The following BCL2L1 variants were observed in gnomAD, a reference collection of about 807,000 sequenced individuals.
BCL2L1 encodes BCL2 like 1, also known as bcl-2-like protein 1.
In BCL2L1, 1 loss-of-function variant was observed where a neutral mutation model predicts 18.7. The ratio of observed to expected loss-of-function variants is 0.05; its 90% CI spans 0.02 to 0.25. The LOEUF is 0.25. Ranked by LOEUF, BCL2L1 falls within the 10% of genes least tolerant of loss-of-function variation. The probability of loss-of-function intolerance (pLI) is 1.00; values close to 1 mark genes in which losing one functional copy is unlikely to be tolerated. For synonymous variants in BCL2L1, 103 were observed against 122.7 expected, an observed-to-expected ratio of 0.84 and a Z score of 1.06; for missense variants, 207 against 304.9, an observed-to-expected ratio of 0.68 and a Z score of 2.39.
intron 2 of BCL2L1, among the ~76,000 whole-genome samples, chr20:31,673,704 A>C (rs780449549): frequency 6.6e-6 from 1 of 152,174 alleles, no homozygotes; most frequent in Admixed American, 6.5e-5. Flanking sequence ...ATGACAGCTG[A>C]CCATTACCAA....
At chr20:31,694,962 C>T (rs1159864364) in intron 2 of BCL2L1, among the ~76,000 whole-genome samples, 1 of 152,164 alleles carries the variant, frequency 6.6e-6, no homozygotes, top group Non-Finnish European at 1.5e-5. Flanking sequence ...GGCAGTTCAA[C>T]TCCACAGCCC....
chr20:31,698,835 T>C (rs1286762433), intron 2 of BCL2L1, among the ~76,000 whole-genome samples: 3 of 152,204 alleles, frequency 2.0e-5, no homozygotes, highest in Non-Finnish European at 2.9e-5. Context: ...CCACCACACC[T>C]GCCCTTTTTT....
intron 2 of BCL2L1, among the ~76,000 whole-genome samples, chr20:31,689,262 AAGGGGAGGGGGAGGGC>A (rs1568869273): frequency 3.3e-3 from 3 of 914 alleles, no homozygotes; most frequent in Admixed American, 0.029. Flanking sequence ...AAAGGGAGGG[AAGGGGAGGGGGAGGGC>A]AGGGGAGGGG....
At chr20:31,715,209 T>G (rs532308227) in intron 2 of BCL2L1, among the ~76,000 whole-genome samples, 4 of 151,598 alleles carry the variant, frequency 2.6e-5, no homozygotes, top group African/African-American at 9.7e-5. Context: ...GAGGTGCAGC[T>G]TGCAGTGAGC....
chr20:31,723,537 C>A, upstream of BCL2L1: 2 of 984,598 alleles, frequency 2.0e-6, no homozygotes, highest in East Asian at 1.1e-4. Context: ...GCCGGGTACC[C>A]GCCGAGCCAC....
At chr20:31,701,678 T>C (rs1199848302) in intron 2 of BCL2L1, among the ~76,000 whole-genome samples, 2 of 152,220 alleles carry the variant, frequency 1.3e-5, no homozygotes, top group African/African-American at 2.4e-5. Flanking sequence ...AAACAACTCA[T>C]TATAACAATT....
chr20:31,686,715 G>A (rs546202856), intron 2 of BCL2L1, among the ~76,000 whole-genome samples: 55 of 152,234 alleles, frequency 3.6e-4, no homozygotes, highest in African/African-American at 4.1e-4. Flanking sequence ...GCCATGGAGC[G>A]GAGGGAGTAA....
chr20:31,700,594 C>T (rs944240184), intron 2 of BCL2L1, among the ~76,000 whole-genome samples: 2 of 152,308 alleles, frequency 1.3e-5, no homozygotes, highest in East Asian at 1.9e-4. Flanking sequence ...TTGGTCTCAG[C>T]CTGCAAATCT....
chr20:31,704,892 A>G (rs1481267213), intron 2 of BCL2L1, among the ~76,000 whole-genome samples: 6 of 152,254 alleles, frequency 3.9e-5, no homozygotes, highest in Admixed American at 2.0e-4. Flanking sequence ...ATTCTCAGCC[A>G]TTAAGCAAAT....
At chr20:31,678,970 GT>G (rs1289128308) in intron 2 of BCL2L1, among the ~76,000 whole-genome samples, 1 of 152,168 alleles carries the variant, frequency 6.6e-6, no homozygotes, top group African/African-American at 2.4e-5. Context: ...CACCCACGGT[GT>G]TGCATTTCCT....
intron 2 of BCL2L1, among the ~76,000 whole-genome samples, chr20:31,702,022 T>C (rs901298477): frequency 9.9e-5 from 15 of 152,182 alleles, no homozygotes; most frequent in Admixed American, 8.5e-4. Context: ...AGGTAGAGGC[T>C]GTTGCTATGA....
chr20:31,710,311 C>A (rs1308848789), intron 2 of BCL2L1, among the ~76,000 whole-genome samples: 2 of 152,038 alleles, frequency 1.3e-5, no homozygotes, highest in Admixed American at 1.3e-4. Flanking sequence ...AGAGAGAGAG[C>A]CCTGATCAGA....
At chr20:31,678,811 T>C (rs911230939) in intron 2 of BCL2L1, among the ~76,000 whole-genome samples, 1 of 152,202 alleles carries the variant, frequency 6.6e-6, no homozygotes, top group African/African-American at 2.4e-5. Flanking sequence ...CAGCCACCTT[T>C]ATCTGATCAG....
chr20:31,715,496 C>T (rs6060870), intron 2 of BCL2L1, among the ~76,000 whole-genome samples: 44,214 of 151,902 alleles, frequency 0.29, 8,072 homozygotes, highest in African/African-American at 0.51. Context: ...GAGTCCATTC[C>T]CTCTGCTTTA....
intron 2 of BCL2L1, among the ~76,000 whole-genome samples, chr20:31,687,861 A>C (rs1400020160): frequency 1.3e-5 from 2 of 151,970 alleles, no homozygotes; most frequent in Non-Finnish European, 2.9e-5. Flanking sequence ...CAATAAGACC[A>C]TATGTTCTTC....
intron 2 of BCL2L1, among the ~76,000 whole-genome samples, chr20:31,701,227 G>A (rs1167159633): frequency 6.6e-6 from 1 of 152,038 alleles, no homozygotes; most frequent in African/African-American, 2.4e-5. Flanking sequence ...CTAATTTTTT[G>A]TATTTTAGCA....
At chr20:31,721,539 C>T in intron 2 of BCL2L1, 116 bp downstream of exon 2, 2 of 1,288,944 alleles carry the variant, frequency 1.6e-6, no homozygotes, top group Non-Finnish European at 2.1e-6. Context: ...GTTTCCTCAA[C>T]TATCAACGTC....
intron 2 of BCL2L1, among the ~76,000 whole-genome samples, chr20:31,677,131 T>C (rs536927417): frequency 1.3e-5 from 2 of 152,244 alleles, no homozygotes; most frequent in East Asian, 3.9e-4. Flanking sequence ...GATTAAGATA[T>C]TTTGCTTTTG....
At chr20:31,699,222 C>T (rs1298729438) in intron 2 of BCL2L1, among the ~76,000 whole-genome samples, 1 of 152,218 alleles carries the variant, frequency 6.6e-6, no homozygotes, top group Non-Finnish European at 1.5e-5. Context: ...CAGCAAGTAC[C>T]ATTCCAGTCA....
Sources: allele counts gnomAD v4.1 joint callset (sites outside exome capture counted in the v4.1 genomes callset), GRCh38; gene constraint gnomAD v4.1.1; transcripts MANE v1.5; gene names NCBI Gene and HGNC (gene_info 2026-07-23, HGNC 2026-07-21).